PLCB1: variants seen among roughly 807,000 people sequenced by gnomAD.
The protein encoded by PLCB1 is 1-phosphatidylinositol 4,5-bisphosphate phosphodiesterase beta-1.
A neutral mutation model predicts 161.8 loss-of-function variants in PLCB1; 46 were observed. The ratio of observed to expected loss-of-function variants is 0.28; its 90% CI spans 0.22 to 0.36. The LOEUF (loss-of-function observed/expected upper bound fraction) is 0.36, where lower values mean the gene tolerates loss of function less well. PLCB1 is among the 10% of genes least tolerant of loss of function. The probability of loss-of-function intolerance (pLI) is 1.00; values close to 1 mark genes in which losing one functional copy is unlikely to be tolerated. For missense variants in PLCB1, 1,016 were observed against 1,472.5 expected (o/e 0.69, Z 5.07); for synonymous variants, 517 against 503.7 (o/e 1.03, Z -0.35).
intron 31 of PLCB1, among the ~76,000 whole-genome samples, chr20:8,866,305 G>C (rs113051314): frequency 6.6e-6 from 1 of 152,188 alleles, no homozygotes; most frequent in Non-Finnish European, 1.5e-5. Context: ...CCCAGTGATA[G>C]TTGCCTTGTT....
intron 31 of PLCB1, among the ~76,000 whole-genome samples, chr20:8,861,481 C>A (rs1260879953): frequency 6.6e-6 from 1 of 152,128 alleles, no homozygotes; most frequent in Non-Finnish European, 1.5e-5. Context: ...CCTGTAATCC[C>A]AGCACTTTGG....
chr20:8,136,487 G>T (rs980955467), intron 1 of PLCB1, among the ~76,000 whole-genome samples: 1 of 152,090 alleles, frequency 6.6e-6, no homozygotes, highest in Admixed American at 6.5e-5. Flanking sequence ...TTAGCCGGGC[G>T]TGGTGGCGGG....
intron 31 of PLCB1, among the ~76,000 whole-genome samples, chr20:8,858,994 G>A (rs1987163186): frequency 1.3e-5 from 2 of 151,698 alleles, no homozygotes; most frequent in Non-Finnish European, 2.9e-5. Flanking sequence ...CTCTTGTTTG[G>A]AGGGATAAGA....
intron 3 of PLCB1, among the ~76,000 whole-genome samples, chr20:8,543,130 A>G (rs1322796418): frequency 6.6e-6 from 1 of 152,220 alleles, no homozygotes; most frequent in African/African-American, 2.4e-5. Flanking sequence ...CTATTGGATC[A>G]GAATATCCTT....
intron 7 of PLCB1, chr20:8,652,972 C>T (rs1303427557): frequency 1.3e-5 from 2 of 152,016 alleles, no homozygotes; most frequent in Admixed American, 6.6e-5. Flanking sequence ...AAAACTGTTC[C>T]GTGTTCAAAA....
intron 3 of PLCB1, among the ~76,000 whole-genome samples, chr20:8,596,994 G>C (rs1334276731): frequency 7.3e-5 from 11 of 150,246 alleles, no homozygotes; most frequent in Admixed American, 6.6e-4. Flanking sequence ...AGCTTAAGGA[G>C]ATTTTGGGCT....
intron 3 of PLCB1, among the ~76,000 whole-genome samples, chr20:8,396,869 A>G (rs1329597474): frequency 1.3e-5 from 2 of 152,220 alleles, no homozygotes; most frequent in East Asian, 3.9e-4. Context: ...TAGCTGAATA[A>G]TAATGCATTG....
chr20:8,434,984 A>C (rs1233217062), intron 3 of PLCB1, among the ~76,000 whole-genome samples: 2 of 152,204 alleles, frequency 1.3e-5, no homozygotes, highest in Non-Finnish European at 2.9e-5. Context: ...ACATTCTAAC[A>C]AAAGTTTGTA....
intron 2 of PLCB1, among the ~76,000 whole-genome samples, chr20:8,316,512 C>T (rs1984659661): frequency 6.6e-6 from 1 of 152,172 alleles, no homozygotes; most frequent in Non-Finnish European, 1.5e-5. Flanking sequence ...TTCTGTTGGT[C>T]AGTCTCAACC....
chr20:8,347,701 T>C (rs1275694402), intron 2 of PLCB1, among the ~76,000 whole-genome samples: 1 of 152,244 alleles, frequency 6.6e-6, no homozygotes, highest in Non-Finnish European at 1.5e-5. Flanking sequence ...CTTTTAGGGC[T>C]ACTTATAATG....
At chr20:8,533,076 A>G (rs1276158805) in intron 3 of PLCB1, among the ~76,000 whole-genome samples, 1 of 135,934 alleles carries the variant, frequency 7.4e-6, no homozygotes, top group South Asian at 2.3e-4. Context: ...ATGTGTTCTC[A>G]TTGTTCAATT....
intron 2 of PLCB1, among the ~76,000 whole-genome samples, chr20:8,351,986 T>C (rs1986195339): frequency 6.6e-6 from 1 of 152,112 alleles, no homozygotes; most frequent in South Asian, 2.1e-4. Flanking sequence ...ATTGTGCTCC[T>C]AGGTATTTAC....
Position 8,336,794 on chromosome 20 carries a change from A to G in PLCB1, c.178-34588A>G, listed in dbSNP as rs560275725. Among the ~76,000 whole-genome samples, 5 of 152,326 alleles carry G rather than the reference A, an allele frequency of 3.3e-5. No homozygotes were observed. The East Asian group carries it at 9.6e-4, about 29-fold the overall frequency. On this transcript the variant is annotated intron_variant, in intron 2 of 31. Transcript: ENST00000338037. ...TTTTCTATGGAAAAGAATGTTGATT[A>G]TATAGGTGTTTCATTTACTGTCTCA...
chr20:8,724,148 A>G (rs1362397986), intron 15 of PLCB1, among the ~76,000 whole-genome samples: 2 of 140,292 alleles, frequency 1.4e-5, no homozygotes, highest in Non-Finnish European at 3.1e-5. Context: ...AATCTGCACA[A>G]CAAACCCCAG....
chr20:8,768,065 G>A (rs1029752488), intron 26 of PLCB1, among the ~76,000 whole-genome samples: 1 of 152,058 alleles, frequency 6.6e-6, no homozygotes, highest in African/African-American at 2.4e-5. Flanking sequence ...AGCTACTTGG[G>A]AGGCTGAGGT....
At chr20:8,710,631 C>T (rs1397925777) in intron 12 of PLCB1, among the ~76,000 whole-genome samples, 2 of 149,984 alleles carry the variant, frequency 1.3e-5, no homozygotes, top group Non-Finnish European at 3.0e-5. Flanking sequence ...TCTCCTGCCT[C>T]AGCCTTCCGA....
At position 8,802,759 on chromosome 20, in the gene PLCB1, T is replaced by C. The variant is rs577568267; in HGVS notation, c.3423+12498T>C. 5.3e-5 allele frequency among the ~76,000 whole-genome samples: 8 copies of C among 152,292 alleles called. No individual in the cohort carries two copies. The South Asian group carries it at 8.3e-4, about 16-fold the overall frequency. On this transcript the variant is annotated intron_variant, in intron 31 of 31. Transcript: ENST00000338037. ...CTAGAAGCAAGAGCTCTTGGAAATA[T>C]CTCACTAATAGGGATGCTTGGGCCA...
At chr20:8,484,390 C>T (rs1475852465) in intron 3 of PLCB1, among the ~76,000 whole-genome samples, 12 of 149,296 alleles carry the variant, frequency 8.0e-5, no homozygotes, top group African/African-American at 3.0e-4. Flanking sequence ...TAAATGGAGT[C>T]TCCCTCTGTC....
chr20:8,366,450 C>G (rs576335242), intron 2 of PLCB1, among the ~76,000 whole-genome samples: 18 of 152,294 alleles, frequency 1.2e-4, no homozygotes, highest in African/African-American at 3.4e-4. Context: ...CGTTCATTCA[C>G]AAACCAGGAT....
Sources: allele counts gnomAD v4.1 joint callset (sites outside exome capture counted in the v4.1 genomes callset), GRCh38; gene constraint gnomAD v4.1.1; transcripts MANE v1.5; gene names NCBI Gene and HGNC (gene_info 2026-07-23, HGNC 2026-07-21).